The following ZNF674 variants were observed in gnomAD, a reference collection of about 807,000 sequenced individuals.
ZNF674 encodes zinc finger protein 674.
A neutral mutation model predicts 7.0 loss-of-function variants in ZNF674; 2 were observed. That is an observed-to-expected ratio of 0.29 (90% CI 0.12 to 0.90). The LOEUF (loss-of-function observed/expected upper bound fraction) is 0.90, where lower values mean the gene tolerates loss of function less well. Among genes scored for constraint, ZNF674 ranks in the 40% least tolerant of loss-of-function variants. The probability of loss-of-function intolerance (pLI) is 0.57; values close to 1 mark genes in which losing one functional copy is unlikely to be tolerated. For synonymous variants in ZNF674, 103 were observed against 145.2 expected (o/e 0.71, Z 2.09); for missense variants, 297 against 415.5 (o/e 0.71, Z 2.48).
chrX:46,541,658 G>A (rs1942297712), intron 3 of ZNF674, among the ~76,000 whole-genome samples: 2 of 112,100 alleles, frequency 1.8e-5, no homozygotes, highest in African/African-American at 6.5e-5. Flanking sequence ...CTCTAAGGAG[G>A]AACGTGGTAC....
rs1485508386 is a variant in ZNF674 at position 46,498,976 on chromosome X, C to T, written c.*867G>A. On this transcript the variant is annotated 3_prime_UTR_variant, in exon 6 of 6. Transcript: ENST00000683375. Reference sequence around the variant, plus strand: ...ATTGTTTGCCACCTCTACACCTCTTCCACAAAATGTTTGGTAAAGAACATG... The same window carrying T: ...ATTGTTTGCCACCTCTACACCTCTTTCACAAAATGTTTGGTAAAGAACATG... 1 of 111,689 alleles carries T rather than the reference C, an allele frequency of 9.0e-6. No homozygotes were observed. Among genetic ancestry groups the T allele is most frequent in the African/African-American group, 3.3e-5 (1 of 30,726 alleles). 9.2% of individuals were successfully genotyped at this position (111,689 alleles called of 1,213,427 possible). A position where few individuals can be genotyped will look rare whatever the true frequency, so the allele number is the denominator to read the frequency against.
Position 46,501,662 on chromosome X carries a change from ATGTGTG to A in ZNF674, c.239-333_239-328del, listed in dbSNP as rs372308686. Among the ~76,000 whole-genome samples, 14 of 102,355 alleles carry A rather than the reference ATGTGTG, an allele frequency of 1.4e-4. No individual in the cohort carries two copies. The East Asian group carries it at 2.1e-3, about 16-fold the overall frequency. 88.9% of individuals were successfully genotyped at this position (102,355 alleles called of 115,157 possible). ...TATATATACATATAATTGTATATAT[ATGTGTG>A]TGTGTGTGTGTGTGTGTGTATACAT... On this transcript the variant is annotated intron_variant, in intron 5 of 5. Coordinates refer to ENST00000683375, the MANE Select transcript of ZNF674 (RefSeq NM_001190417.2).
chrX:46,541,935 G>A (rs1942301824), intron 3 of ZNF674, 138 bp downstream of exon 3: 3 of 534,453 alleles, frequency 5.6e-6, no homozygotes, highest in Admixed American at 5.8e-5. Flanking sequence ...AAGGATTAGA[G>A]AAACCAGAGG....
chrX:46,532,350 T>C (rs1280955797), intron 3 of ZNF674, among the ~76,000 whole-genome samples: 1 of 111,768 alleles, frequency 8.9e-6, no homozygotes, highest in Non-Finnish European at 1.9e-5. Flanking sequence ...AAACTGGTCA[T>C]GTCTTGGGAA....
At chrX:46,527,262 C>CA (rs555027642) in intron 5 of ZNF674, among the ~76,000 whole-genome samples, 1,326 of 65,459 alleles carry the variant, frequency 0.02, 24 homozygotes, top group African/African-American at 0.065. Context: ...GACTCCATCT[C>CA]AAAAAAAAAA....
chrX:46,506,706 A>G (rs1380170923), intron 5 of ZNF674, among the ~76,000 whole-genome samples: 1 of 112,188 alleles, frequency 8.9e-6, no homozygotes, highest in Non-Finnish European at 1.9e-5. Context: ...AAACACTTGT[A>G]GACATCCAAA....
At chrX:46,504,930 C>T (rs1055094213) in intron 5 of ZNF674, among the ~76,000 whole-genome samples, 1 of 109,661 alleles carries the variant, frequency 9.1e-6, no homozygotes, top group South Asian at 3.9e-4. Flanking sequence ...CCCTCTGTCG[C>T]CCAGGCTGGA....
chrX:46,501,662 A>ATGTGTGTGTG (rs372308686), intron 5 of ZNF674, among the ~76,000 whole-genome samples: 85 of 102,354 alleles, frequency 8.3e-4, no homozygotes, highest in African/African-American at 2.8e-3. Context: ...TTGTATATAT[A>ATGTGTGTGTG]TGTGTGTGTG....
intron 5 of ZNF674, among the ~76,000 whole-genome samples, chrX:46,505,384 A>C (rs1296362938): frequency 8.9e-6 from 1 of 112,147 alleles, no homozygotes; most frequent in Non-Finnish European, 1.9e-5. Flanking sequence ...AAAAGTAATG[A>C]AAATACTGGC....
intron 5 of ZNF674, among the ~76,000 whole-genome samples, chrX:46,519,247 T>TAA (rs1316825866): frequency 4.1e-5 from 3 of 73,084 alleles, no homozygotes; most frequent in African/African-American, 1.1e-4. Context: ...GATAGATAGA[T>TAA]AGATAGATAG....
intron 5 of ZNF674, among the ~76,000 whole-genome samples, chrX:46,513,060 C>T (rs1941691353): frequency 9.0e-6 from 1 of 110,608 alleles, no homozygotes; most frequent in African/African-American, 3.3e-5. Flanking sequence ...GTCAAGAGAT[C>T]GAGACCATCC....
intron 5 of ZNF674, among the ~76,000 whole-genome samples, chrX:46,506,428 A>C (rs1031035640): frequency 9.0e-6 from 1 of 110,727 alleles, no homozygotes; most frequent in African/African-American, 3.3e-5. Flanking sequence ...AAAAAAAAAA[A>C]AAACTATCCC....
In ZNF674 at chrX:46,528,434, C is replaced by G. The variant is rs750004276; in HGVS notation, c.154G>C (p.Gly52Arg). Residue 52 changes from glycine (G) to arginine (R), a missense_variant, in exon 5 of 6, where the codon GGG becomes CGG. Transcript: ENST00000683375. ...SHLVSVGHLV[G>R]KPDVIFRLGP... ...AACCTGAAGATCACATCTGGCTTCC[C>G]AACTAGATGCCCTGTTTAGGGGACA... is the stretch of plus-strand genomic sequence containing the variant. The G allele has an allele frequency of 8.3e-7, 1 of 1,207,119 alleles. No individual in the cohort carries two copies. Among genetic ancestry groups the G allele is most frequent in the African/African-American group, 1.8e-5 (1 of 57,020 alleles).
chrX:46,498,179 T>C lies in ZNF674; in HGVS notation c.*1664A>G, dbSNP rs988221593. 4 of 111,931 alleles carry C rather than the reference T, an allele frequency of 3.6e-5. No individual in the cohort carries two copies. Among genetic ancestry groups the C allele is most frequent in the Non-Finnish European group, 7.5e-5 (4 of 53,217 alleles). The allele number at this position is 111,931 out of a possible 1,213,427, so 9.2% of individuals were successfully genotyped here. ...TTGGTGCATGTTATTTCACCTGACA[T>C]ACCAATTTTTAATCATCTATCATTG... On this transcript the variant is annotated 3_prime_UTR_variant, in exon 6 of 6. Transcript: ENST00000683375.
intron 3 of ZNF674, among the ~76,000 whole-genome samples, chrX:46,537,260 T>C (rs1421014742): frequency 9.2e-6 from 1 of 109,245 alleles, no homozygotes; most frequent in Non-Finnish European, 1.9e-5. Context: ...AGCAAGATTC[T>C]GTCTCAAAAA....
intron 3 of ZNF674, 92 bp downstream of exon 3, chrX:46,541,981 A>T: frequency 1.3e-6 from 1 of 766,804 alleles, no homozygotes; most frequent in Non-Finnish European, 2.0e-6. Flanking sequence ...GCCAGAGAAG[A>T]GGGGATAATT....
intron 3 of ZNF674, among the ~76,000 whole-genome samples, chrX:46,536,534 G>A (rs1206212400): frequency 9.5e-6 from 1 of 105,619 alleles, no homozygotes; most frequent in Non-Finnish European, 1.9e-5. Context: ...AGGTTGCAGT[G>A]AGCTGAGATC....
rs556459679 is a variant in ZNF674 at position 46,515,744 on chromosome X, G to A, written c.238+12606C>T. On this transcript the variant is annotated intron_variant, in intron 5 of 5. Transcript: ENST00000683375. ...CCACCTTAGCTTCCTGAGTAGCTAC[G>A]ACTACAGGCATGTGCCACCATGCCC... 4.5e-5 allele frequency among the ~76,000 whole-genome samples: 5 copies of A among 111,319 alleles called. No homozygotes were observed. The South Asian group carries it at 1.5e-3, about 34-fold the overall frequency.
chrX:46,527,131 G>A (rs759235640), intron 5 of ZNF674, among the ~76,000 whole-genome samples: 2 of 110,330 alleles, frequency 1.8e-5, no homozygotes, highest in Non-Finnish European at 3.8e-5. Flanking sequence ...GGGCATGGTG[G>A]CGGGTGCCTG....
Sources: allele counts gnomAD v4.1 joint callset (sites outside exome capture counted in the v4.1 genomes callset), GRCh38; gene constraint gnomAD v4.1.1; transcripts MANE v1.5; gene names NCBI Gene and HGNC (gene_info 2026-07-23, HGNC 2026-07-21).